HEATR4: variants seen among roughly 807,000 people sequenced by gnomAD.
HEATR4 encodes the protein HEAT repeat-containing protein 4.
A neutral mutation model predicts 108.8 loss-of-function variants in HEATR4; 95 were observed. The ratio of observed to expected loss-of-function variants is 0.87; its 90% CI spans 0.74 to 1.04. The LOEUF is 1.04. HEATR4 is among the 50% of genes least tolerant of loss of function. The probability of loss-of-function intolerance (pLI) is 0.00; values close to 1 mark genes in which losing one functional copy is unlikely to be tolerated. For missense variants in HEATR4, 1,152 were observed against 1,253.8 expected, an observed-to-expected ratio of 0.92 and a Z score of 1.23; for synonymous variants, 443 against 459.4, an observed-to-expected ratio of 0.96 and a Z score of 0.46.
Position 73,524,309 on chromosome 14 carries a change from AAATATATATAT to A in HEATR4, c.-72-1096_-72-1086del, listed in dbSNP as rs1420056302. ...ACTCCGTCTCAAAAAAAAAAAAAAA[AAATATATATAT>A]ATATATATATATATATTATAGCTGT... is the stretch of plus-strand genomic sequence containing the variant. On this transcript the variant is annotated intron_variant, in intron 2 of 17. Transcript: ENST00000553558. Among the ~76,000 whole-genome samples the A allele has an allele frequency of 1.8e-3, 182 of 99,738 alleles. 1 individual carries two copies. The highest frequency in any genetic ancestry group is 6.8e-3 in the African/African-American group (165 of 24,314). 65.4% of individuals were successfully genotyped at this position (99,738 alleles called of 152,430 possible).
At chr14:73,566,298 G>A in the HEATR4 span, among the ~76,000 whole-genome samples, 4 of 152,134 alleles carry the variant, frequency 2.6e-5, no homozygotes, top group Non-Finnish European at 5.9e-5. Flanking sequence ...TGGGGCTGCA[G>A]GTGGAGCTGC....
In HEATR4 at chr14:73,524,310, A is replaced by AATATATAT. The variant is rs58047390; in HGVS notation, c.-72-1094_-72-1087dup. 1.5e-3 allele frequency among the ~76,000 whole-genome samples: 83 copies of AATATATAT among 54,748 alleles called. 1 individual carries two copies. Among genetic ancestry groups the AATATATAT allele is most frequent in the Middle Eastern group, 0.013 (1 of 76 alleles). 35.9% of individuals were successfully genotyped at this position (54,748 alleles called of 152,430 possible). On this transcript the variant is annotated intron_variant, in intron 2 of 17. Transcript: ENST00000553558. ...CTCCGTCTCAAAAAAAAAAAAAAAA[A>AATATATAT]ATATATATATATATATATATATATA...
At chr14:73,566,432 G>C in the HEATR4 span, among the ~76,000 whole-genome samples, 5 of 152,002 alleles carry the variant, frequency 3.3e-5, no homozygotes, top group Non-Finnish European at 7.4e-5. Context: ...CCACGGAGGC[G>C]GGGGGAGGCT....
At chr14:73,579,233 G>C in the HEATR4 span, among the ~76,000 whole-genome samples, 1 of 130,946 alleles carries the variant, frequency 7.6e-6, no homozygotes, top group African/African-American at 2.9e-5. Flanking sequence ...TCCAGCCTAG[G>C]CAACAAGAAC....
In HEATR4 at chr14:73,497,213, G is replaced by T. The variant is rs1215279525; in HGVS notation, c.2547-534C>A. On this transcript the variant is annotated intron_variant, in intron 14 of 17. Transcript: ENST00000553558. Reference sequence around the variant, plus strand: ...ACCCGGCCATGCCCGTCTAATTTTTGTATTTTTAGTAGAGACAGGTTTCAC... The same window carrying T: ...ACCCGGCCATGCCCGTCTAATTTTTTTATTTTTAGTAGAGACAGGTTTCAC... 3.3e-5 allele frequency among the ~76,000 whole-genome samples: 5 copies of T among 151,496 alleles called. 1 individual carries two copies. Among genetic ancestry groups the T allele is most frequent in the Non-Finnish European group, 7.4e-5 (5 of 67,832 alleles).
the HEATR4 span, chr14:73,612,750 T>C: frequency 1.5e-6 from 2 of 1,374,174 alleles, no homozygotes; most frequent in South Asian, 1.7e-5. Context: ...CGCGACGAGC[T>C]GGACCTGGAG....
chr14:73,508,169 A>G lies in HEATR4; in HGVS notation c.1846T>C (p.Ser616Pro), dbSNP rs374677684. 3 of 1,613,974 alleles carry G rather than the reference A, an allele frequency of 1.9e-6. No homozygotes were observed. The African/African-American group carries it at 4.0e-5, about 22-fold the overall frequency. Residue 616 changes from serine (S) to proline (P), a missense_variant, in exon 9 of 18, where the codon TCT (serine) becomes CCT (proline). Transcript: ENST00000553558. Reference protein sequence around the residue: ...TKKNEDTEEQSYILLSYLSEK... With the variant: ...TKKNEDTEEQPYILLSYLSEK... ...CTCAGATAGCTCAGGAGGATATAAG[A>G]CTGTTCCTCAGTGTCCTCATTCTTC...
rs1395381984 is a variant in HEATR4, at chr14:73,546,514, T to C, written c.-152+12237A>G. On this transcript the variant is annotated intron_variant, in intron 1 of 17. Transcript: ENST00000553558. ...GAGTAGCTGGGACTGCAGACACATG[T>C]CACCATGGACAGCTAATTTTTGTAT... Among the ~76,000 whole-genome samples, 4 of 112,304 alleles carry C rather than the reference T, an allele frequency of 3.6e-5. 1 individual carries two copies. Among genetic ancestry groups the C allele is most frequent in the Non-Finnish European group, 7.7e-5 (4 of 51,762 alleles). The allele number at this position is 112,304 out of a possible 152,430, so 73.7% of individuals were successfully genotyped here.
the HEATR4 span, among the ~76,000 whole-genome samples, chr14:73,576,312 T>A: frequency 6.6e-6 from 1 of 152,022 alleles, no homozygotes; most frequent in Non-Finnish European, 1.5e-5. Flanking sequence ...GATATAAAAC[T>A]ACTAAAAATT....
the HEATR4 span, among the ~76,000 whole-genome samples, chr14:73,598,397 A>T: frequency 6.6e-6 from 1 of 151,508 alleles, no homozygotes; most frequent in East Asian, 2.0e-4. Context: ...CTCAAAAAAA[A>T]AAAAAAAAGA....
intron 1 of HEATR4, among the ~76,000 whole-genome samples, chr14:73,530,794 ATTTTTTTT>A (rs59208614): frequency 1.7e-4 from 10 of 57,788 alleles, no homozygotes; most frequent in African/African-American, 6.1e-4. Context: ...TCTCGGTTAA[ATTTTTTTT>A]TTTTTTTTTT....
At chr14:73,619,550 A>G in the HEATR4 span, 12 of 1,614,108 alleles carry the variant, frequency 7.4e-6, no homozygotes, top group Admixed American at 2.0e-4. Flanking sequence ...GGCATGGATG[A>G]TCAAAGCTGG....
At chr14:73,580,444 A>G in the HEATR4 span, among the ~76,000 whole-genome samples, 9,007 of 152,082 alleles carry the variant, frequency 0.059, 334 homozygotes, top group Middle Eastern at 0.095. Flanking sequence ...AAGTGTGATA[A>G]AGAGAGTGAG....
intron 17 of HEATR4, among the ~76,000 whole-genome samples, chr14:73,483,032 G>T (rs1885315207): frequency 6.6e-6 from 1 of 152,208 alleles, no homozygotes; most frequent in East Asian, 1.9e-4. Flanking sequence ...AAGGAATACG[G>T]ACTGCATGTA....
chr14:73,532,301 G>A (rs1188877280), intron 1 of HEATR4, among the ~76,000 whole-genome samples: 1 of 115,684 alleles, frequency 8.6e-6, no homozygotes, highest in African/African-American at 2.8e-5. Flanking sequence ...ATCCTGGCTA[G>A]ATTATTAGCC....
intron 16 of HEATR4, among the ~76,000 whole-genome samples, chr14:73,494,869 C>T (rs1042571492): frequency 3.3e-5 from 5 of 152,172 alleles, no homozygotes; most frequent in Admixed American, 6.5e-5. Context: ...CCACCAACCA[C>T]TACCACTATT....
the HEATR4 span, among the ~76,000 whole-genome samples, chr14:73,586,582 T>C: frequency 6.6e-6 from 1 of 151,606 alleles, no homozygotes; most frequent in Non-Finnish European, 1.5e-5. Flanking sequence ...GGCATGCACC[T>C]GTAGTTCCAG....
chr14:73,608,201 G>A, the HEATR4 span, among the ~76,000 whole-genome samples: 14 of 152,358 alleles, frequency 9.2e-5, no homozygotes, highest in Non-Finnish European at 1.9e-4. Context: ...GGGATTACAG[G>A]CATGAGCCAC....
intron 17 of HEATR4, among the ~76,000 whole-genome samples, chr14:73,489,223 C>T (rs751963075): frequency 9.9e-5 from 15 of 152,034 alleles, no homozygotes; most frequent in Non-Finnish European, 1.6e-4. Flanking sequence ...TGTTAGACAA[C>T]CCCTAGCCCC....
Sources: allele counts gnomAD v4.1 joint callset (sites outside exome capture counted in the v4.1 genomes callset), GRCh38; gene constraint gnomAD v4.1.1; transcripts MANE v1.5; gene names NCBI Gene and HGNC (gene_info 2026-07-23, HGNC 2026-07-21).